SHROOM2: variants seen among roughly 807,000 people sequenced by gnomAD.
SHROOM2 encodes protein Shroom2.
In SHROOM2, 33 loss-of-function variants were observed where a neutral mutation model predicts 75.9. The observed-to-expected ratio is 0.43, with a 90% CI of 0.33 to 0.58. The LOEUF (loss-of-function observed/expected upper bound fraction) is 0.58, where lower values mean the gene tolerates loss of function less well. Among genes scored for constraint, SHROOM2 ranks in the 20% least tolerant of loss-of-function variants. The pLI, the probability that SHROOM2 is intolerant of heterozygous loss-of-function variation, is 0.04. For synonymous variants in SHROOM2, 655 were observed against 663.6 expected, an observed-to-expected ratio of 0.99 and a Z score of 0.20; for missense variants, 1,434 against 1,461.2, an observed-to-expected ratio of 0.98 and a Z score of 0.30.
At chrX:9,841,472 AG>A (rs2083979189) in intron 1 of SHROOM2, among the ~76,000 whole-genome samples, 1 of 111,675 alleles carries the variant, frequency 9.0e-6, no homozygotes, top group Non-Finnish European at 1.9e-5. Context: ...ATTCCTAGGA[AG>A]GGAAGGAGGA....
chrX:9,786,430 C>T lies in SHROOM2; in HGVS notation c.-116C>T, dbSNP rs2083613159. On this transcript the variant is annotated 5_prime_UTR_variant, in exon 1 of 10. Coordinates refer to ENST00000380913, the MANE Select transcript of SHROOM2 (RefSeq NM_001649.4). ...GGCTCCCTCCGCCGCCGGGCCGGCA[C>T]TTTCTTTCCAAGTTACGGCGCAAGT... 1.6e-6 allele frequency: 1 copy of T among 609,397 alleles called. No homozygotes were observed. The highest frequency in any genetic ancestry group is 7.6e-5 in the Admixed American group (1 of 13,174). The allele number at this position is 609,397 out of a possible 1,213,427, so 50.2% of individuals were successfully genotyped here. A position where few individuals can be genotyped will look rare whatever the true frequency, so the allele number is the denominator to read the frequency against.
At chrX:9,905,101 T>C (rs2084384717) in intron 5 of SHROOM2, among the ~76,000 whole-genome samples, 1 of 112,218 alleles carries the variant, frequency 8.9e-6, no homozygotes, top group Non-Finnish European at 1.9e-5. Flanking sequence ...GTGATCCTCT[T>C]GCCTCAGCCT....
intron 1 of SHROOM2, among the ~76,000 whole-genome samples, chrX:9,808,406 G>C (rs1301244949): frequency 9.2e-6 from 1 of 108,169 alleles, no homozygotes; most frequent in Non-Finnish European, 1.9e-5. Flanking sequence ...AATTAGCCAG[G>C]TGTGGTGGTG....
intron 1 of SHROOM2, among the ~76,000 whole-genome samples, chrX:9,836,605 T>TC (rs397795060): frequency 1.8e-5 from 2 of 108,880 alleles, no homozygotes; most frequent in Admixed American, 2.0e-4. Flanking sequence ...TCTTTTTTTT[T>TC]GTTAAGAGAC....
chrX:9,890,717 G>A (rs751985733), intron 2 of SHROOM2, among the ~76,000 whole-genome samples: 2 of 110,119 alleles, frequency 1.8e-5, no homozygotes, highest in South Asian at 3.9e-4. Context: ...TGTTTGGCAC[G>A]AGAGTGCACG....
intron 5 of SHROOM2, among the ~76,000 whole-genome samples, chrX:9,904,855 T>C (rs1207851806): frequency 9.0e-6 from 1 of 111,623 alleles, no homozygotes; most frequent in Non-Finnish European, 1.9e-5. Flanking sequence ...CAGAAGGCTG[T>C]ACAGATTGAT....
intron 5 of SHROOM2, among the ~76,000 whole-genome samples, chrX:9,899,997 C>T (rs776768327): frequency 2.2e-4 from 25 of 111,580 alleles, no homozygotes; most frequent in African/African-American, 7.8e-4. Context: ...GAGGGGGTCG[C>T]CCTGAACAGC....
intron 1 of SHROOM2, among the ~76,000 whole-genome samples, chrX:9,816,580 C>CCTGCTGCTGCTGCTGCTGCTGCTGCTG (rs112480338): frequency 4.5e-4 from 46 of 102,552 alleles, no homozygotes; most frequent in South Asian, 4.3e-3. Flanking sequence ...AGCCTTACCC[C>CCTGCTGCTGCTGCTGCTGCTGCTGCTG]CTGCTGCTGC....
At chrX:9,863,843 G>T (rs1158411341) in intron 1 of SHROOM2, among the ~76,000 whole-genome samples, 1 of 111,031 alleles carries the variant, frequency 9.0e-6, no homozygotes, top group Non-Finnish European at 1.9e-5. Flanking sequence ...TCCTAATAGA[G>T]ATTTTATTGA....
chrX:9,792,334 T>C (rs942793475), intron 1 of SHROOM2, among the ~76,000 whole-genome samples: 8 of 110,559 alleles, frequency 7.2e-5, no homozygotes, highest in African/African-American at 2.3e-4. Context: ...ACTATATCAT[T>C]AAAAAGAAAA....
chrX:9,814,667 C>T (rs1196258241), intron 1 of SHROOM2, among the ~76,000 whole-genome samples: 1 of 111,471 alleles, frequency 9.0e-6, no homozygotes, highest in African/African-American at 3.3e-5. Context: ...AGGCTGATGG[C>T]AGCCATGGGT....
intron 5 of SHROOM2, among the ~76,000 whole-genome samples, chrX:9,906,652 G>A (rs1208284827): frequency 6.3e-5 from 7 of 111,774 alleles, no homozygotes; most frequent in Admixed American, 3.8e-4. Context: ...GCCAGGTGTG[G>A]TGGCAGTCAC....
rs756054290 is a variant in SHROOM2 at position 9,946,820 on chromosome X, C to G, written c.4734C>G (p.Phe1578Leu). 3 of 1,203,231 alleles carry G rather than the reference C, an allele frequency of 2.5e-6. No individual in the cohort carries two copies. Among genetic ancestry groups the G allele is most frequent in the Admixed American group, 4.4e-5 (2 of 45,067 alleles). The stretch of plus-strand genomic sequence containing the variant: ...AGAGCCTCGCGGACTATGAGCACTT[C>G]GTGAAGATGAAGTCGGCCCTCATCA... Reference protein sequence around the residue: ...SEESLADYEHFVKMKSALIIE... With the variant: ...SEESLADYEHLVKMKSALIIE... Residue 1578 changes from phenylalanine (F) to leucine (L), a missense_variant, in exon 10 of 10, where the codon TTC becomes TTG. Transcript: ENST00000380913.
chrX:9,924,533 T>C (rs905650588), intron 5 of SHROOM2, among the ~76,000 whole-genome samples: 5 of 111,306 alleles, frequency 4.5e-5, no homozygotes, highest in Non-Finnish European at 9.4e-5. Context: ...TTTTTCAATT[T>C]TTTGTAGAGA....
In SHROOM2 at chrX:9,932,620, C is replaced by A; in HGVS notation, c.3337C>A (p.His1113Asn). Residue 1113 changes from histidine to asparagine, a missense_variant, in exon 6 of 10, where the codon CAC becomes AAC. His to Asn is a moderately conservative substitution (Grantham distance 68). Around this residue, in one of 3 missense-constraint regions of SHROOM2, gnomAD observed 1,340 missense variants for 1,338.3 expected, o/e 1.00. Transcript: ENST00000380913. The stretch of plus-strand genomic sequence containing the variant: ...GTATGTGGCCCGCCTGTCCCTCTCC[C>A]ACAGCCCCTCTGTGTTCAGCAGTGC... ...DVYVARLSLSHSPSVFSSAQP... is the reference protein window; with the variant it reads ...DVYVARLSLSNSPSVFSSAQP... 8.3e-7 allele frequency: 1 copy of A among 1,211,389 alleles called. No individual in the cohort carries two copies. The highest frequency in any genetic ancestry group is 1.1e-6 in the Non-Finnish European group (1 of 895,144).
Position 9,833,608 on chromosome X carries a change from CTGTGTGTGTGTGTG to C in SHROOM2, c.166-40019_166-40006del, listed in dbSNP as rs144161839. ...CAATGAAGAGACACACAAGTAGACTCTGTGTGTGTGTGTGTGTGTGTGTGTGTGTGTGTGTGTGC... is the reference window on the plus strand; with the variant it reads ...CAATGAAGAGACACACAAGTAGACTCTGTGTGTGTGTGTGTGTGTGTGTGC... On this transcript the variant is annotated intron_variant, in intron 1 of 9. Coordinates refer to ENST00000380913, the MANE Select transcript of SHROOM2 (RefSeq NM_001649.4). 9.3e-3 allele frequency among the ~76,000 whole-genome samples: 890 copies of C among 95,343 alleles called. 14 individuals carry two copies. Among genetic ancestry groups the C allele is most frequent in the African/African-American group, 0.034 (826 of 24,411 alleles). The allele number at this position is 95,343 out of a possible 115,157, so 82.8% of individuals were successfully genotyped here.
At chrX:9,794,611 C>T (rs759709490) in intron 1 of SHROOM2, among the ~76,000 whole-genome samples, 2 of 111,421 alleles carry the variant, frequency 1.8e-5, no homozygotes, top group African/African-American at 3.3e-5. Flanking sequence ...TTGGGTGATC[C>T]GCCCACCTCA....
chrX:9,945,034 C>A, intron 9 of SHROOM2, 121 bp downstream of exon 9: 1 of 683,244 alleles, frequency 1.5e-6, no homozygotes, highest in Non-Finnish European at 2.2e-6. Context: ...CTGTCCACCT[C>A]CTCCTGCAGA....
intron 1 of SHROOM2, among the ~76,000 whole-genome samples, chrX:9,797,248 C>T (rs541716455): frequency 8.9e-6 from 1 of 112,172 alleles, no homozygotes; most frequent in African/African-American, 3.2e-5. Context: ...TTACTTTTCC[C>T]CTTCTGGCTG....
Sources: allele counts gnomAD v4.1 joint callset (sites outside exome capture counted in the v4.1 genomes callset), GRCh38; gene constraint gnomAD v4.1.1; regional missense constraint gnomAD v4.1.1; transcripts MANE v1.5; gene names NCBI Gene and HGNC (gene_info 2026-07-23, HGNC 2026-07-21).